Variants in DCHS1 observed in about 807,000 individuals in gnomAD.
DCHS1 encodes dachsous cadherin-related 1.
DCHS1 carries 78 observed loss-of-function variants against 213.9 expected under a neutral mutation model. The observed-to-expected ratio is 0.36, with a 90% CI of 0.30 to 0.44. DCHS1 has a LOEUF of 0.44. DCHS1 is among the 20% of genes least tolerant of loss of function. The probability of loss-of-function intolerance (pLI) is 1.00; values close to 1 mark genes in which losing one functional copy is unlikely to be tolerated. For synonymous variants in DCHS1, 1,828 were observed against 1,873.7 expected, an observed-to-expected ratio of 0.98 and a Z score of 0.63; for missense variants, 3,946 against 4,395.9, an observed-to-expected ratio of 0.90 and a Z score of 2.89.
At chr11:6,649,862 G>T (rs1856220251) in intron 1 of DCHS1, among the ~76,000 whole-genome samples, 1 of 152,172 alleles carries the variant, frequency 6.6e-6, no homozygotes, top group African/African-American at 2.4e-5. Flanking sequence ...TGAAGGAGAA[G>T]AACAAATTTG....
intron 1 of DCHS1, among the ~76,000 whole-genome samples, chr11:6,647,683 G>A (rs991918017): frequency 1.3e-5 from 2 of 152,226 alleles, no homozygotes; most frequent in African/African-American, 4.8e-5. Context: ...GAGACTCAGA[G>A]TGAAACAATT....
intron 3 of DCHS1, 31 bp downstream of exon 3, chr11:6,634,087 A>G (rs144772487): frequency 8.2e-5 from 131 of 1,598,526 alleles, no homozygotes; most frequent in Middle Eastern, 1.7e-4. Flanking sequence ...CTACCCCAAC[A>G]TCCCAACCTG....
intron 20 of DCHS1, 21 bp downstream of exon 20, chr11:6,624,709 C>G: frequency 6.2e-7 from 1 of 1,613,734 alleles, no homozygotes; most frequent in Non-Finnish European, 8.5e-7. Flanking sequence ...AGGCAAGGGG[C>G]AGATCCTGGG....
At position 6,641,798 on chromosome 11, in the gene DCHS1, C is replaced by T. The variant is rs181567468; in HGVS notation, c.-120-65G>A. On this transcript the variant is annotated intron_variant, in intron 1 of 20. Coordinates refer to ENST00000299441, the MANE Select transcript of DCHS1 (RefSeq NM_003737.4). The surrounding 1 kb of genome is among the most constrained non-coding windows in gnomAD (Gnocchi z 7.1). ...GGATCAGCAGTCCAGATAACCTGGA[C>T]GAGGCCACATCAACATTCAGATATG... 16 of 1,331,826 alleles carry T rather than the reference C, an allele frequency of 1.2e-5. No individual in the cohort carries two copies. In the African/African-American group the frequency reaches 1.5e-4, roughly 12 times the overall value. The allele number at this position is 1,331,826 out of a possible 1,614,324, so 82.5% of individuals were successfully genotyped here.
At chr11:6,644,100 T>C (rs1302222273) in intron 1 of DCHS1, among the ~76,000 whole-genome samples, 1 of 152,156 alleles carries the variant, frequency 6.6e-6, no homozygotes, top group Non-Finnish European at 1.5e-5. Context: ...TTCTGATCCA[T>C]CTCCACCTGA....
chr11:6,630,706 C>T lies in DCHS1; in HGVS notation c.4088G>A (p.Gly1363Asp). Residue 1363 changes from glycine to aspartate, a missense_variant, in exon 10 of 21, where the codon GGT (glycine) becomes GAT (aspartate). By Grantham distance (94) the Gly-to-Asp change is moderately conservative. Around this residue, in one of 3 missense-constraint regions of DCHS1, gnomAD observed 3,384 missense variants for 3,780.1 expected, o/e 0.90. Transcript: ENST00000299441. ...SVAAPEPAGV[G>D]ALTYTLVGGA... is the part of the protein sequence containing the mutation. ...GCCCACCAGTGTGTAGGTGAGTGCA[C>T]CCACACCCGCGGGCTCTGGCGCTGC... The T allele has an allele frequency of 6.5e-7, 1 of 1,544,704 alleles. No homozygotes were observed. Among genetic ancestry groups the T allele is most frequent in the Middle Eastern group, 1.8e-4 (1 of 5,512 alleles).
At position 6,625,292 on chromosome 11, in the gene DCHS1, G is replaced by A. The variant is rs1374414702; in HGVS notation, c.7052C>T (p.Ala2351Val). The change falls in exon 19 of 21, where the codon GCA becomes GTA. Residue 2351 changes from alanine to valine, a missense_variant. Ala to Val is a moderately conservative substitution (Grantham distance 64). Transcript: ENST00000299441. This position sits in a 1 kb window ranked among gnomAD's most constrained non-coding sequence, Gnocchi z 5.3. ...ACGGCCCTCATGAGGCCCATCATGTGCCAGCAGCTGCAGCTGGTAGCGGTC... is the reference window on the plus strand; with the variant it reads ...ACGGCCCTCATGAGGCCCATCATGTACCAGCAGCTGCAGCTGGTAGCGGTC... ...QCDRYQLQLL[A>V]HDGPHEGRAN... The A allele has an allele frequency of 3.7e-6, 6 of 1,613,872 alleles. No homozygotes were observed. The Admixed American group carries it at 1.0e-4, about 27-fold the overall frequency.
rs1057162661 is a variant in DCHS1 at position 6,629,472 on chromosome 11, T to C, written c.5141A>G (p.Gln1714Arg). 2 of 1,613,118 alleles carry C rather than the reference T, an allele frequency of 1.2e-6. No homozygotes were observed. Among genetic ancestry groups the C allele is most frequent in the Admixed American group, 3.3e-5 (2 of 59,900 alleles). The stretch of plus-strand genomic sequence containing the variant: ...TGTACCTGTCAGGTTGATCTCCTCC[T>C]GTTCCTCTCGATCCAGGGCCCGAAG... ...TTLRALDREE[Q>R]EEINLTVYAQ... is the part of the protein sequence containing the mutation. The change falls in exon 12 of 21, where the codon CAG becomes CGG. Residue 1714 changes from glutamine to arginine, a missense_variant. Gln to Arg is a conservative substitution (Grantham distance 43). This residue lies in a region of DCHS1 where 3,384 missense variants were observed against 3,780.1 expected (regional missense o/e 0.90). Transcript: ENST00000299441.
At chr11:6,638,321 A>G (rs920001040) in intron 2 of DCHS1, among the ~76,000 whole-genome samples, 8 of 152,236 alleles carry the variant, frequency 5.3e-5, no homozygotes, top group African/African-American at 1.9e-4. Context: ...TCCACAGTGC[A>G]GCCAAAGCAA....
chr11:6,629,969 C>T (rs773807565), intron 10 of DCHS1, 30 bp downstream of exon 10: 1 of 1,590,110 alleles, frequency 6.3e-7, no homozygotes, highest in Non-Finnish European at 8.6e-7. Flanking sequence ...CAGCACCTTC[C>T]TCGCCCTCAC....
In DCHS1 at chr11:6,624,761, A is replaced by C. The variant is rs756642692; in HGVS notation, c.7254T>G (p.Pro2418=). 5 of 1,613,914 alleles carry C rather than the reference A, an allele frequency of 3.1e-6. No homozygotes were observed. The South Asian group carries it at 4.4e-5, about 14-fold the overall frequency. ...TGGGGTCAACACTGAAGCCATCGGC[A>C]GGGGAAGCCAGGTGGTAGGAAATGT... is the stretch of plus-strand genomic sequence containing the variant. ...NGHISYHLAS[P]ADGFSVDPNN... Residue 2418 remains proline, a synonymous_variant, in exon 20 of 21, where the codon CCT becomes CCG. Transcript: ENST00000299441.
At position 6,641,671 on chromosome 11, in the gene DCHS1, G is replaced by A; in HGVS notation, c.-58C>T. The A allele has an allele frequency of 6.7e-7, 1 of 1,482,048 alleles. No homozygotes were observed. The highest frequency in any genetic ancestry group is 2.5e-5 in the East Asian group (1 of 40,296). 91.8% of individuals were successfully genotyped at this position (1,482,048 alleles called of 1,614,324 possible). On this transcript the variant is annotated 5_prime_UTR_variant, in exon 2 of 21. Transcript: ENST00000299441. This position sits in a 1 kb window ranked among gnomAD's most constrained non-coding sequence, Gnocchi z 7.1. Reference sequence around the variant, plus strand: ...AGCTCCAGGCCAGGCTCTGGGCCCAGCTTGACCTCAGACTTTGGGTCAGGT... The same window carrying A: ...AGCTCCAGGCCAGGCTCTGGGCCCAACTTGACCTCAGACTTTGGGTCAGGT...
At position 6,630,073 on chromosome 11, in the gene DCHS1, A is replaced by T; in HGVS notation, c.4721T>A (p.Leu1574Gln). The change falls in exon 10 of 21, where the codon CTG (leucine) becomes CAG (glutamine). Residue 1574 changes from leucine (L) to glutamine (Q), a missense_variant. Transcript: ENST00000299441. ...ATAGGACACGCGTGCAGCCTCGCCC[A>T]GATCCGGGTCCCGGGCTACCACGTG... is the stretch of plus-strand genomic sequence containing the variant. ...ALHVVARDPDLGEAARVSYRL... is the reference protein window; with the variant it reads ...ALHVVARDPDQGEAARVSYRL... 1 of 1,582,540 alleles carries T rather than the reference A, an allele frequency of 6.3e-7. No individual in the cohort carries two copies. Among genetic ancestry groups the T allele is most frequent in the Non-Finnish European group, 8.6e-7 (1 of 1,162,104 alleles).
In DCHS1 at chr11:6,626,067, G is replaced by A. The variant is rs777469654; in HGVS notation, c.6584C>T (p.Ala2195Val). The change falls in exon 17 of 21, where the codon GCG becomes GTG. Residue 2195 changes from alanine (A) to valine (V), a missense_variant. Transcript: ENST00000299441. This position sits in a 1 kb window ranked among gnomAD's most constrained non-coding sequence, Gnocchi z 5.2. Reference sequence around the variant, plus strand: ...TCCAGAGCCTTGATCCAGGTCATCCGCCTCCACCTGGTGAGGGTAGGAGGC... The same window carrying A: ...TCCAGAGCCTTGATCCAGGTCATCCACCTCCACCTGGTGAGGGTAGGAGGC... ...PLEGPLLQVE[A>V]DDLDQGSGGQ... The A allele has an allele frequency of 8.1e-6, 13 of 1,609,598 alleles. No homozygotes were observed. The highest frequency in any genetic ancestry group is 4.5e-5 in the East Asian group (2 of 44,714).
chr11:6,644,242 A>G (rs1315361741), intron 1 of DCHS1, among the ~76,000 whole-genome samples: 3 of 152,254 alleles, frequency 2.0e-5, no homozygotes, highest in African/African-American at 7.2e-5. Flanking sequence ...TGTCTATAGC[A>G]TCAAGAGGTT....
Position 6,622,005 on chromosome 11 carries a change from G to A in DCHS1, c.9671C>T (p.Ala3224Val), listed in dbSNP as rs1276637678. ...KSVPPKPANT[A>V]AARAIFPPAS... ...TGGTGGGAAGATGGCCCGGGCTGCAGCTGTGTTTGCTGGCTTGGGGGGCAC... is the reference window on the plus strand; with the variant it reads ...TGGTGGGAAGATGGCCCGGGCTGCAACTGTGTTTGCTGGCTTGGGGGGCAC... The change falls in exon 21 of 21, where the codon GCT (alanine) becomes GTT (valine). Residue 3224 changes from alanine to valine, a missense_variant. This residue lies in a region of DCHS1 where 554 missense variants were observed against 590.2 expected (regional missense o/e 0.94). Coordinates refer to ENST00000299441, the MANE Select transcript of DCHS1 (RefSeq NM_003737.4). This position sits in a 1 kb window ranked among gnomAD's most constrained non-coding sequence, Gnocchi z 5.4. The A allele has an allele frequency of 6.2e-7, 1 of 1,613,482 alleles. No homozygotes were observed. Among genetic ancestry groups the A allele is most frequent in the Non-Finnish European group, 8.5e-7 (1 of 1,179,814 alleles).
At chr11:6,637,527 C>T (rs1040326713) in intron 2 of DCHS1, among the ~76,000 whole-genome samples, 2 of 152,062 alleles carry the variant, frequency 1.3e-5, no homozygotes, top group Admixed American at 1.3e-4. Flanking sequence ...TCATCTCCCA[C>T]CTTCCCATCT....
At chr11:6,633,158 A>T (rs1420235450) in intron 5 of DCHS1, 102 bp from the exon 6 acceptor site, 9 of 1,384,532 alleles carry the variant, frequency 6.5e-6, no homozygotes, top group Non-Finnish European at 8.8e-6. Flanking sequence ...GCCCACACCC[A>T]TGCCTTTCAA....
chr11:6,633,265 C>T, intron 5 of DCHS1, 147 bp downstream of exon 5: 1 of 1,028,696 alleles, frequency 9.7e-7, no homozygotes, highest in Non-Finnish European at 1.4e-6. Context: ...CTGCACTGTG[C>T]CTAAGGAGGT....
Sources: allele counts gnomAD v4.1 joint callset (sites outside exome capture counted in the v4.1 genomes callset), GRCh38; gene constraint gnomAD v4.1.1; regional missense constraint gnomAD v4.1.1; non-coding constraint Gnocchi (gnomAD v3.1); transcripts MANE v1.5; gene names NCBI Gene and HGNC (gene_info 2026-07-23, HGNC 2026-07-21).